Variants in TNIK observed in about 807,000 individuals in gnomAD.
TNIK encodes TRAF2 and NCK interacting kinase, also known as TRAF2 and NCK-interacting protein kinase.
In TNIK, 49 loss-of-function variants were observed where a neutral mutation model predicts 191.3. The observed-to-expected ratio is 0.26, with a 90% CI of 0.20 to 0.32. TNIK has a LOEUF of 0.32. TNIK is among the 10% of genes least tolerant of loss of function. TNIK has a pLI of 1.00. For synonymous variants in TNIK, 594 were observed against 600.9 expected, an observed-to-expected ratio of 0.99 and a Z score of 0.17; for missense variants, 1,155 against 1,702.3, an observed-to-expected ratio of 0.68 and a Z score of 5.66.
intron 2 of TNIK, chr3:171,346,895 T>A: frequency 2.7e-6 from 1 of 372,056 alleles, no homozygotes; most frequent in Non-Finnish European, 4.8e-6. Flanking sequence ...CTTGATCACA[T>A]GGGAAATCAT....
intron 23 of TNIK, among the ~76,000 whole-genome samples, chr3:171,091,496 G>A (rs191331805): frequency 5.5e-4 from 83 of 152,196 alleles, no homozygotes; most frequent in East Asian, 2.9e-3. Flanking sequence ...TAATCCTAGC[G>A]TTTTGGGAGG....
intron 2 of TNIK, among the ~76,000 whole-genome samples, chr3:171,251,509 C>CT (rs1264370837): frequency 6.6e-6 from 1 of 152,176 alleles, no homozygotes; most frequent in Admixed American, 6.5e-5. Context: ...GGCAAGTTGG[C>CT]TGGGGCTGAA....
intron 10 of TNIK, among the ~76,000 whole-genome samples, chr3:171,163,016 C>T (rs891416284): frequency 6.6e-6 from 1 of 152,182 alleles, no homozygotes; most frequent in Admixed American, 6.5e-5. Context: ...TGGCCCTTCT[C>T]CAGGCAGTTA....
chr3:171,253,263 A>T (rs1480027050), intron 2 of TNIK, among the ~76,000 whole-genome samples: 2 of 149,302 alleles, frequency 1.3e-5, no homozygotes, highest in Non-Finnish European at 3.0e-5. Context: ...CAGCCTGGGC[A>T]ACAAAGCAAG....
At chr3:171,267,837 G>A (rs1180529340) in intron 2 of TNIK, among the ~76,000 whole-genome samples, 1 of 152,176 alleles carries the variant, frequency 6.6e-6, no homozygotes, top group African/African-American at 2.4e-5. Context: ...TTCATTTATT[G>A]AACAGGTTTA....
At chr3:171,083,690 ATACTC>A (rs1720966144) in intron 26 of TNIK, among the ~76,000 whole-genome samples, 1 of 152,208 alleles carries the variant, frequency 6.6e-6, no homozygotes, top group African/African-American at 2.4e-5. Flanking sequence ...ATTCACAAAA[ATACTC>A]TGGGCTGATT....
At chr3:171,310,200 A>T (rs1753871389) in intron 2 of TNIK, among the ~76,000 whole-genome samples, 1 of 152,102 alleles carries the variant, frequency 6.6e-6, no homozygotes, top group Non-Finnish European at 1.5e-5. Context: ...TCTGCCTGGC[A>T]AACTATATGA....
chr3:171,347,221 G>GAAAAAAAAAA, intron 2 of TNIK: 1 of 1,417,898 alleles, frequency 7.1e-7, no homozygotes, highest in Admixed American at 2.4e-5. Context: ...TTCATTTGCT[G>GAAAAAAAAAA]AAAAAAAAAA....
rs904499767 is a variant in TNIK, at chr3:171,061,548, C to T, written c.*2333G>A. ...TATTTCTTAACTGTACCCAAAATCC[C>T]ACAATAAAAAAATCATTTAAAGCTG... is the stretch of plus-strand genomic sequence containing the variant. On this transcript the variant is annotated 3_prime_UTR_variant, in exon 33 of 33. Transcript: ENST00000436636. 4.0e-5 allele frequency: 6 copies of T among 151,644 alleles called. No individual in the cohort carries two copies. The highest frequency in any genetic ancestry group is 1.5e-4 in the African/African-American group (6 of 41,056). 9.4% of individuals were successfully genotyped at this position (151,644 alleles called of 1,614,324 possible).
At chr3:171,441,771 A>G (rs1726843786) in intron 1 of TNIK, among the ~76,000 whole-genome samples, 1 of 152,188 alleles carries the variant, frequency 6.6e-6, no homozygotes, top group Admixed American at 6.5e-5. Flanking sequence ...CCCACCGGCA[A>G]TGTATGAGAG....
chr3:171,334,266 C>T (rs950831857), intron 2 of TNIK, among the ~76,000 whole-genome samples: 7 of 152,198 alleles, frequency 4.6e-5, no homozygotes, highest in African/African-American at 1.7e-4. Context: ...TGCTCTCTCT[C>T]GCTCTCTCCT....
intron 2 of TNIK, among the ~76,000 whole-genome samples, chr3:171,236,394 A>C (rs1744272912): frequency 6.6e-6 from 1 of 152,196 alleles, no homozygotes; most frequent in Non-Finnish European, 1.5e-5. Flanking sequence ...TTGCTCAACA[A>C]GGTTCTGTTT....
chr3:171,415,998 GA>G (rs58082222), intron 1 of TNIK, among the ~76,000 whole-genome samples: 1 of 86,674 alleles, frequency 1.2e-5, no homozygotes, highest in African/African-American at 4.9e-5. Flanking sequence ...AAAAAAAAAA[GA>G]AAGAAAAAGA....
At chr3:171,447,600 G>A (rs1214629743) in intron 1 of TNIK, among the ~76,000 whole-genome samples, 1 of 152,180 alleles carries the variant, frequency 6.6e-6, no homozygotes, top group Non-Finnish European at 1.5e-5. Flanking sequence ...TACGATCTTT[G>A]GTAAACTAAT....
At position 171,140,435 on chromosome 3, in the gene TNIK, G is replaced by T; in HGVS notation, c.1296C>A (p.Arg432=). Residue 432 remains arginine (R), a synonymous_variant, in exon 13 of 33, where the codon CGC becomes CGA. Transcript: ENST00000436636. ...EQRRHYEEQM[R]REEERRRAEH... is the part of the protein sequence containing the mutation. ...CCGCACGCCTCCTCTCCTCCTCCCG[G>T]CGCATCTGCTCCTCATAGTGCCGGC... is the stretch of plus-strand genomic sequence containing the variant. 6.2e-7 allele frequency: 1 copy of T among 1,609,102 alleles called. No homozygotes were observed.
At chr3:171,275,671 C>T (rs528874699) in intron 2 of TNIK, among the ~76,000 whole-genome samples, 21 of 152,016 alleles carry the variant, frequency 1.4e-4, no homozygotes, top group African/African-American at 2.4e-4. Flanking sequence ...CCAAGGTGGG[C>T]GGATCATGAG....
At chr3:171,251,849 C>T (rs1746259320) in intron 2 of TNIK, among the ~76,000 whole-genome samples, 1 of 152,030 alleles carries the variant, frequency 6.6e-6, no homozygotes, top group African/African-American at 2.4e-5. Context: ...CATTTAATAT[C>T]ATTCTAAACG....
At chr3:171,288,605 A>C (rs186708471) in intron 2 of TNIK, among the ~76,000 whole-genome samples, 1 of 151,970 alleles carries the variant, frequency 6.6e-6, no homozygotes, top group African/African-American at 2.4e-5. Context: ...TCAGGAGATC[A>C]AGACCATCCT....
At chr3:171,086,867 G>C (rs960782113) in intron 24 of TNIK, among the ~76,000 whole-genome samples, 3 of 152,182 alleles carry the variant, frequency 2.0e-5, no homozygotes, top group African/African-American at 7.2e-5. Flanking sequence ...ATTTATGAAA[G>C]ATGAACACTC....
Sources: gnomAD v4.1 joint callset for allele counts (sites outside exome capture counted in the v4.1 genomes callset) on GRCh38, gnomAD v4.1.1 for gene constraint, MANE v1.5 for transcripts, NCBI Gene and HGNC (gene_info 2026-07-23, HGNC 2026-07-21) for gene names.